RAP1A: variants seen among roughly 807,000 people sequenced by gnomAD.
RAP1A encodes RAP1A, member of RAS oncogene family.
RAP1A carries 6 observed loss-of-function variants against 26.4 expected under a neutral mutation model. The observed-to-expected ratio is 0.23, with a 90% CI of 0.12 to 0.45. RAP1A has a LOEUF of 0.45. Ranked by LOEUF, RAP1A falls within the 20% of genes least tolerant of loss-of-function variation. The pLI is 0.99. For missense variants in RAP1A, 121 were observed against 217.2 expected (o/e 0.56, Z 2.78); for synonymous variants, 73 against 79.4 (o/e 0.92, Z 0.43).
At chr1:111,654,460 G>A (rs1449741912) in intron 1 of RAP1A, among the ~76,000 whole-genome samples, 2 of 152,294 alleles carry the variant, frequency 1.3e-5, no homozygotes, top group African/African-American at 4.8e-5. Flanking sequence ...GAGCACTGGA[G>A]GCAGAATGCC....
At position 111,695,403 on chromosome 1, in the gene RAP1A, C is replaced by T. The variant is rs867538057; in HGVS notation, c.120C>T (p.Tyr40=). The T allele has an allele frequency of 6.4e-7, 1 of 1,556,978 alleles. No homozygotes were observed. Among genetic ancestry groups the T allele is most frequent in the Non-Finnish European group, 8.6e-7 (1 of 1,156,212 alleles). Reference sequence around the variant, plus strand: ...ATGACCCAACGATAGAAGATTCCTACAGAAAGGTAAAATGTGAAACTTGTA... The same window carrying T: ...ATGACCCAACGATAGAAGATTCCTATAGAAAGGTAAAATGTGAAACTTGTA... ...EKYDPTIEDS[Y]RKQVEVDCQQ... Residue 40 remains tyrosine (Y), a synonymous_variant, in exon 3 of 8, where the codon TAC becomes TAT. Coordinates refer to ENST00000369709, the MANE Select transcript of RAP1A (RefSeq NM_002884.4).
chr1:111,618,218 C>T (rs1266052797), upstream of RAP1A, among the ~76,000 whole-genome samples: 3 of 152,148 alleles, frequency 2.0e-5, no homozygotes, highest in Non-Finnish European at 2.9e-5. Flanking sequence ...TATTAACATA[C>T]CCTAATCAGA....
chr1:111,585,185 A>G (rs181625938), intron 1 of RAP1A, among the ~76,000 whole-genome samples: 2 of 152,334 alleles, frequency 1.3e-5, no homozygotes, highest in South Asian at 2.1e-4. Context: ...TTCCTCAACT[A>G]TCCTAGCTCC....
At chr1:111,697,726 T>C (rs749219736) in intron 4 of RAP1A, among the ~76,000 whole-genome samples, 10 of 152,180 alleles carry the variant, frequency 6.6e-5, no homozygotes, top group Non-Finnish European at 1.5e-4. Flanking sequence ...TCTTCCTACA[T>C]TGAGGTAAGG....
In RAP1A at chr1:111,632,050, G is replaced by C. The variant is rs528237929; in HGVS notation, c.-28+12116G>C. 4.6e-5 allele frequency among the ~76,000 whole-genome samples: 7 copies of C among 152,240 alleles called. No individual in the cohort carries two copies. The East Asian group carries it at 1.3e-3, about 29-fold the overall frequency. Reference sequence around the variant, plus strand: ...GAATTACAGTAGTCCAAATGTTTATGTAGCCAGTGTTAGTTGTCTGCCTAA... The same window carrying C: ...GAATTACAGTAGTCCAAATGTTTATCTAGCCAGTGTTAGTTGTCTGCCTAA... On this transcript the variant is annotated intron_variant, in intron 1 of 7. Coordinates refer to ENST00000369709, the MANE Select transcript of RAP1A (RefSeq NM_002884.4).
intron 1 of RAP1A, among the ~76,000 whole-genome samples, chr1:111,679,556 C>G (rs13375043): frequency 0.059 from 8,956 of 151,962 alleles, 612 homozygotes; most frequent in African/African-American, 0.16. Flanking sequence ...ACCCCAGCAA[C>G]ACAGAACTGT....
At position 111,715,078 on chromosome 1, in the gene RAP1A, GT is replaced by G. The variant is rs1159930850; in HGVS notation, c.*2679del. The G allele has an allele frequency of 2.0e-5, 3 of 148,540 alleles. No individual in the cohort carries two copies. The highest frequency in any genetic ancestry group is 7.4e-5 in the African/African-American group (3 of 40,780). 9.2% of individuals were successfully genotyped at this position (148,540 alleles called of 1,614,324 possible). On this transcript the variant is annotated 3_prime_UTR_variant, in exon 8 of 8. Coordinates refer to ENST00000369709, the MANE Select transcript of RAP1A (RefSeq NM_002884.4). ...TCCACCAGGGGGAGCTTCAACATCG[GT>G]TAATACTTTTTTTTTTTTTGAGATG...
intron 1 of RAP1A, among the ~76,000 whole-genome samples, chr1:111,581,926 TG>T (rs1239134408): frequency 1.3e-5 from 2 of 152,228 alleles, no homozygotes; most frequent in Non-Finnish European, 2.9e-5. Flanking sequence ...CACACTCTGG[TG>T]AGTGAGATAT....
chr1:111,570,741 C>T (rs1658033320), intron 1 of RAP1A, among the ~76,000 whole-genome samples: 1 of 152,074 alleles, frequency 6.6e-6, no homozygotes, highest in African/African-American at 2.4e-5. Context: ...GAGAGAATAG[C>T]CTGAGGGACA....
chr1:111,560,327 G>A (rs1657682856), intron 1 of RAP1A, among the ~76,000 whole-genome samples: 1 of 151,816 alleles, frequency 6.6e-6, no homozygotes, highest in Non-Finnish European at 1.5e-5. Flanking sequence ...GAGGTAGATG[G>A]TCCTGGTCTC....
chr1:111,709,347 C>G, intron 7 of RAP1A, 83 bp downstream of exon 7: 1 of 1,378,562 alleles, frequency 7.3e-7, no homozygotes, highest in Non-Finnish European at 9.6e-7. Flanking sequence ...CCCATTTCAT[C>G]TGTTATGGTA....
intron 1 of RAP1A, among the ~76,000 whole-genome samples, chr1:111,669,745 T>G (rs1488248520): frequency 6.6e-6 from 1 of 152,218 alleles, no homozygotes; most frequent in Non-Finnish European, 1.5e-5. Flanking sequence ...AGATACAGTA[T>G]TTAAGGAGAT....
chr1:111,658,211 GA>G (rs1337012367), intron 1 of RAP1A, among the ~76,000 whole-genome samples: 4 of 152,068 alleles, frequency 2.6e-5, no homozygotes, highest in Non-Finnish European at 4.4e-5. Flanking sequence ...TTTTGTAAGT[GA>G]TTTTTTAAAT....
intron 1 of RAP1A, among the ~76,000 whole-genome samples, chr1:111,661,062 C>G (rs529626169): frequency 3.4e-4 from 52 of 152,284 alleles, no homozygotes; most frequent in Non-Finnish European, 6.5e-4. Context: ...GTGCATGATG[C>G]ATTGGAGAAG....
At chr1:111,583,500 C>T (rs562625979) in intron 1 of RAP1A, among the ~76,000 whole-genome samples, 33 of 151,544 alleles carry the variant, frequency 2.2e-4, no homozygotes, top group African/African-American at 7.0e-4. Context: ...AGTTTAAGCA[C>T]GATGTATCAT....
intron 1 of RAP1A, among the ~76,000 whole-genome samples, chr1:111,560,297 T>A (rs74957863): frequency 0.08 from 12,168 of 151,412 alleles, 1,164 homozygotes; most frequent in African/African-American, 0.23. Flanking sequence ...GGCTAAAATC[T>A]AGAATGGAGA....
chr1:111,563,893 C>T, intron 1 of RAP1A: 10 of 1,613,830 alleles, frequency 6.2e-6, no homozygotes, highest in Non-Finnish European at 7.6e-6. Context: ...GCTGCTCTTC[C>T]CAGGAGCTTT....
intron 1 of RAP1A, among the ~76,000 whole-genome samples, chr1:111,580,424 G>A (rs1431624253): frequency 6.6e-6 from 1 of 152,196 alleles, no homozygotes; most frequent in Non-Finnish European, 1.5e-5. Context: ...ACACGTGGAT[G>A]TATAGGTTTA....
At chr1:111,628,501 A>T (rs903729735) in intron 1 of RAP1A, among the ~76,000 whole-genome samples, 1 of 152,186 alleles carries the variant, frequency 6.6e-6, no homozygotes, top group Non-Finnish European at 1.5e-5. Flanking sequence ...TGCTACGTTG[A>T]TAAGTGTAGA....
Sources: allele counts gnomAD v4.1 joint callset (sites outside exome capture counted in the v4.1 genomes callset), GRCh38; gene constraint gnomAD v4.1.1; transcripts MANE v1.5; gene names NCBI Gene and HGNC (gene_info 2026-07-23, HGNC 2026-07-21).